Variants in ZNF676 observed in about 807,000 individuals in gnomAD.
The protein encoded by ZNF676 is zinc finger protein 676.
Under a neutral mutation model 6.0 loss-of-function variants are expected in ZNF676, and 4 were observed. That is an observed-to-expected ratio of 0.67 (90% CI 0.33 to 1.53). The LOEUF is 1.53. Ranked by LOEUF, ZNF676 falls within the 40% of genes most tolerant of loss-of-function variation. The pLI, the probability that ZNF676 is intolerant of heterozygous loss-of-function variation, is 0.06. For synonymous variants in ZNF676, 198 were observed against 223.1 expected, an observed-to-expected ratio of 0.89 and a Z score of 1.00; for missense variants, 644 against 679.7, an observed-to-expected ratio of 0.95 and a Z score of 0.58.
At chr19:22,219,033 AT>A (rs34819381), upstream of ZNF676, among the ~76,000 whole-genome samples, 47,881 of 119,410 alleles carry the variant, frequency 0.4, 8,384 homozygotes, top group Middle Eastern at 0.44. Flanking sequence ...TAGTTTTAGG[AT>A]TTTTTTTTTT....
At chr19:22,182,585 T>TAAAAAAAAAAAAAAAAAAAAAAA (rs67699215) in intron 2 of ZNF676, among the ~76,000 whole-genome samples, 1 of 45,040 alleles carries the variant, frequency 2.2e-5, no homozygotes, top group African/African-American at 1.1e-4. Flanking sequence ...GTCAAAGTTC[T>TAAAAAAAAAAAAAAAAAAAAAAA]AAAAAAAAAA....
chr19:22,183,854 CAA>C (rs2023795014), intron 2 of ZNF676, among the ~76,000 whole-genome samples: 1 of 151,896 alleles, frequency 6.6e-6, no homozygotes, highest in Non-Finnish European at 1.5e-5. Flanking sequence ...AATGAAACTC[CAA>C]AGAGACAAAG....
In ZNF676 at chr19:22,212,210, A is replaced by AAAAAG. The variant is rs774184961; in HGVS notation, c.3+3417_3+3421dup. On this transcript the variant is annotated intron_variant, in intron 1 of 3. Coordinates refer to the ZNF676 transcript ENST00000650058. ...GCGAGATTCTGTCTCAAAAAAAAAA[A>AAAAAG]AAAAGAAAAGAAAAGAAAAGAAAAC... Among the ~76,000 whole-genome samples, 115 of 150,812 alleles carry AAAAAG rather than the reference A, an allele frequency of 7.6e-4. No individual in the cohort carries two copies. In the East Asian group the frequency reaches 0.019, roughly 25 times the overall value.
intron 2 of ZNF676, among the ~76,000 whole-genome samples, chr19:22,190,089 C>G (rs1455743629): frequency 6.6e-6 from 1 of 152,098 alleles, no homozygotes; most frequent in Non-Finnish European, 1.5e-5. Context: ...TACTGCAGCA[C>G]TATTCACAAT....
chr19:22,188,666 C>A (rs1039809893), intron 2 of ZNF676, among the ~76,000 whole-genome samples: 11 of 152,162 alleles, frequency 7.2e-5, no homozygotes, highest in Admixed American at 2.0e-4. Flanking sequence ...AGCAAAGTCT[C>A]AGGATAGAAA....
upstream of ZNF676, among the ~76,000 whole-genome samples, chr19:22,201,568 G>C (rs1454328804): frequency 2.0e-5 from 3 of 152,082 alleles, no homozygotes; most frequent in South Asian, 4.2e-4. Flanking sequence ...GGCTGCTCTA[G>C]AACATTCTAA....
the ZNF676 span, among the ~76,000 whole-genome samples, chr19:22,249,433 A>G: frequency 6.6e-6 from 1 of 152,054 alleles, no homozygotes; most frequent in Admixed American, 6.6e-5. Context: ...TGTTTTTGAG[A>G]CAGAGTTTCG....
the ZNF676 span, among the ~76,000 whole-genome samples, chr19:22,253,285 G>A: frequency 6.7e-6 from 1 of 150,344 alleles, no homozygotes; most frequent in Admixed American, 6.7e-5. Context: ...TGTCATAATC[G>A]CACCTCTATA....
At chr19:22,256,091 AC>A in the ZNF676 span, among the ~76,000 whole-genome samples, 6 of 152,266 alleles carry the variant, frequency 3.9e-5, no homozygotes, top group Admixed American at 3.9e-4. Flanking sequence ...AAGGCTTTAT[AC>A]CATAGGTGAG....
chr19:22,190,550 A>G (rs905973415), intron 2 of ZNF676, among the ~76,000 whole-genome samples: 1 of 148,604 alleles, frequency 6.7e-6, no homozygotes, highest in Non-Finnish European at 1.5e-5. Context: ...CCTGATTTCA[A>G]AAGACATTCC....
At chr19:22,201,938 T>C (rs1014452099), upstream of ZNF676, among the ~76,000 whole-genome samples, 48 of 152,254 alleles carry the variant, frequency 3.2e-4, no homozygotes, top group African/African-American at 1.2e-3. Flanking sequence ...TTTCAAGAGA[T>C]AAATACATAG....
chr19:22,255,452 T>C, the ZNF676 span, among the ~76,000 whole-genome samples: 3 of 152,144 alleles, frequency 2.0e-5, no homozygotes, highest in Non-Finnish European at 4.4e-5. Flanking sequence ...AACCTATGAT[T>C]GTATCTGTGT....
chr19:22,198,260 G>A (rs112815703), upstream of ZNF676, among the ~76,000 whole-genome samples: 1,886 of 152,218 alleles, frequency 0.012, 40 homozygotes, highest in African/African-American at 0.043. Flanking sequence ...TTTTAATATT[G>A]CAGATTATAA....
chr19:22,201,190 A>G (rs533257545), upstream of ZNF676, among the ~76,000 whole-genome samples: 6 of 152,292 alleles, frequency 3.9e-5, no homozygotes, highest in African/African-American at 1.4e-4. Flanking sequence ...ACAAGTAGGT[A>G]TAGTTGTGGT....
the ZNF676 span, among the ~76,000 whole-genome samples, chr19:22,227,839 C>G: frequency 6.6e-6 from 1 of 152,154 alleles, no homozygotes; most frequent in Non-Finnish European, 1.5e-5. Flanking sequence ...AGACCAATAA[C>G]AAGTTTTGAA....
At chr19:22,202,625 A>G (rs2024037325) in intron 1 of ZNF676, among the ~76,000 whole-genome samples, 2 of 152,218 alleles carry the variant, frequency 1.3e-5, no homozygotes, top group African/African-American at 2.4e-5. Context: ...TTATTACACA[A>G]TTACATGTGA....
At chr19:22,233,212 G>T in the ZNF676 span, among the ~76,000 whole-genome samples, 3 of 152,178 alleles carry the variant, frequency 2.0e-5, no homozygotes, top group Non-Finnish European at 1.5e-5. Flanking sequence ...GCCGGGTTTC[G>T]CCATGTTGCC....
At chr19:22,195,400 C>A (rs1365896549) in intron 1 of ZNF676, among the ~76,000 whole-genome samples, 1 of 152,176 alleles carries the variant, frequency 6.6e-6, no homozygotes, top group South Asian at 2.1e-4. Context: ...GGGCTGCCAC[C>A]CCTGCTTTGC....
the ZNF676 span, among the ~76,000 whole-genome samples, chr19:22,235,785 C>T: frequency 6.6e-6 from 1 of 152,070 alleles, no homozygotes; most frequent in Admixed American, 6.6e-5. Context: ...ATATATCCAT[C>T]AGGTAGGACA....
Sources: allele counts gnomAD v4.1 joint callset (sites outside exome capture counted in the v4.1 genomes callset), GRCh38; gene constraint gnomAD v4.1.1; transcripts MANE v1.5; gene names NCBI Gene and HGNC (gene_info 2026-07-23, HGNC 2026-07-21).